Variants in CDH4 observed in about 807,000 individuals in gnomAD.
The protein encoded by CDH4 is cadherin-4.
A neutral mutation model predicts 86.0 loss-of-function variants in CDH4; 33 were observed. The observed-to-expected ratio is 0.38, with a 90% CI of 0.29 to 0.51. The LOEUF (loss-of-function observed/expected upper bound fraction) is 0.51, where lower values mean the gene tolerates loss of function less well. Among genes scored for constraint, CDH4 ranks in the 20% least tolerant of loss-of-function variants. The pLI is 0.86. For missense variants in CDH4, 1,114 were observed against 1,307.4 expected (o/e 0.85, Z 2.28); for synonymous variants, 555 against 549.4 (o/e 1.01, Z -0.14).
At chr20:61,747,603 T>C (rs904168122) in intron 3 of CDH4, among the ~76,000 whole-genome samples, 5 of 152,186 alleles carry the variant, frequency 3.3e-5, no homozygotes, top group African/African-American at 1.2e-4. Flanking sequence ...GTTGGGCAGT[T>C]TGGAATTGAA....
chr20:61,819,420 C>G (rs751932448), intron 4 of CDH4, among the ~76,000 whole-genome samples: 1 of 151,578 alleles, frequency 6.6e-6, no homozygotes, highest in Non-Finnish European at 1.5e-5. Context: ...CGCTCTGCCC[C>G]GGGAGCGTTC....
In CDH4 at chr20:61,303,884, C is replaced by T. The variant is rs142821875; in HGVS notation, c.169+48947C>T. ...TGGATCCCAGGAGGTCCGATGGGCACGGTGCCATCCTGTTTTGTTTACTTA... is the reference window on the plus strand; with the variant it reads ...TGGATCCCAGGAGGTCCGATGGGCATGGTGCCATCCTGTTTTGTTTACTTA... On this transcript the variant is annotated intron_variant, in intron 2 of 15. Transcript: ENST00000614565. Among the ~76,000 whole-genome samples the T allele has an allele frequency of 7.4e-4, 112 of 152,282 alleles. No individual in the cohort carries two copies. In the East Asian group the frequency reaches 0.02, roughly 27 times the overall value.
At chr20:61,411,380 A>C (rs981093584) in intron 2 of CDH4, among the ~76,000 whole-genome samples, 1 of 149,524 alleles carries the variant, frequency 6.7e-6, no homozygotes, top group African/African-American at 2.5e-5. Context: ...TCACTCCCTC[A>C]TGCAAGGAAA....
At chr20:61,495,331 GC>G (rs1164941420) in intron 2 of CDH4, among the ~76,000 whole-genome samples, 2 of 152,174 alleles carry the variant, frequency 1.3e-5, no homozygotes, top group Non-Finnish European at 2.9e-5. Context: ...CTACAGCACA[GC>G]CTACGAACCC....
At chr20:61,789,781 G>A (rs1373940567) in intron 4 of CDH4, among the ~76,000 whole-genome samples, 10 of 152,236 alleles carry the variant, frequency 6.6e-5, no homozygotes, top group Non-Finnish European at 1.3e-4. Flanking sequence ...TAGAACTGGT[G>A]GAGAAGGGAA....
Position 61,936,750 on chromosome 20 carries a change from C to G in CDH4, c.2558C>G (p.Ala853Gly). The G allele has an allele frequency of 6.2e-7, 1 of 1,602,436 alleles. No homozygotes were observed. Among genetic ancestry groups the G allele is most frequent in the Non-Finnish European group, 8.5e-7 (1 of 1,175,560 alleles). The change falls in exon 16 of 16, where the codon GCT becomes GGT. Residue 853 changes from alanine to glycine, a missense_variant. Ala to Gly is a moderately conservative substitution (Grantham distance 60). Around this residue, in one of 3 missense-constraint regions of CDH4, gnomAD observed 188 missense variants for 183.8 expected, o/e 1.02. Coordinates refer to ENST00000614565, the MANE Select transcript of CDH4 (RefSeq NM_001794.5). ...TGTGACCCCCAGGGACTCCGCGCTG[C>G]TGACAACGACCCCACGGCACCCCCC... is the stretch of plus-strand genomic sequence containing the variant. Reference protein sequence around the residue: ...GDFINEGLRAADNDPTAPPYD... With the variant: ...GDFINEGLRAGDNDPTAPPYD...
At chr20:61,427,805 C>T (rs1327567225) in intron 2 of CDH4, among the ~76,000 whole-genome samples, 3 of 152,190 alleles carry the variant, frequency 2.0e-5, no homozygotes, top group African/African-American at 7.2e-5. Context: ...GCATACCTAG[C>T]TCCAAGGACC....
At chr20:61,296,255 ATGTGTGCGTGTGTG>A (rs1337023793) in intron 2 of CDH4, among the ~76,000 whole-genome samples, 2 of 32,504 alleles carry the variant, frequency 6.2e-5, no homozygotes, top group African/African-American at 1.3e-4. Context: ...GTGTGTGTGC[ATGTGTGCGTGTGTG>A]TGTGTGCGTG....
chr20:61,322,131 CG>C (rs939188516), intron 2 of CDH4, among the ~76,000 whole-genome samples: 4 of 152,044 alleles, frequency 2.6e-5, no homozygotes, highest in African/African-American at 9.7e-5. Flanking sequence ...GTACTTGCTT[CG>C]GGGATGGTTA....
intron 2 of CDH4, among the ~76,000 whole-genome samples, chr20:61,429,667 G>GTGGA (rs1160149590): frequency 3.3e-5 from 5 of 150,768 alleles, no homozygotes; most frequent in Middle Eastern, 3.4e-3. Flanking sequence ...GGATGGGTGG[G>GTGGA]TGGATGGATG....
At chr20:61,844,922 ACT>A in intron 5 of CDH4, 99 bp downstream of exon 5, 1 of 1,226,498 alleles carries the variant, frequency 8.2e-7, no homozygotes, top group Non-Finnish European at 1.1e-6. Flanking sequence ...GCCTGCCCTA[ACT>A]CTACAGGCAG....
rs117576234 is a variant in CDH4 at position 61,773,665 on chromosome 20, A to G, written c.576+483A>G. ...ATTGCTTTTACCGCAGAAATAATTT[A>G]TTTTACAAATTTGTGTTTCTATTAT... On this transcript the variant is annotated intron_variant, in intron 4 of 15. Transcript: ENST00000614565. Among the ~76,000 whole-genome samples, 216 of 152,238 alleles carry G rather than the reference A, an allele frequency of 1.4e-3. 1 individual carries two copies. The highest frequency in any genetic ancestry group is 6.8e-3 in the Middle Eastern group (2 of 294).
Position 61,929,619 on chromosome 20 carries a change from C to T in CDH4, c.2016C>T (p.Ala672=), listed in dbSNP as rs1166079418. Residue 672 remains alanine (A), a synonymous_variant, in exon 13 of 16, where the codon GCC becomes GCT. Transcript: ENST00000614565. The part of the protein sequence containing the change: ...WTITRLNGDY[A]QLSLRILYLE... ...GTTGCTTTGCACCAGGTGACTATGC[C>T]CAACTCAGCTTGCGCATCCTGTACC... The T allele has an allele frequency of 6.2e-7, 1 of 1,613,344 alleles. No homozygotes were observed. The highest frequency in any genetic ancestry group is 1.7e-5 in the Admixed American group (1 of 59,996).
chr20:61,686,716 CG>C (rs2087582812), intron 2 of CDH4, among the ~76,000 whole-genome samples: 1 of 149,708 alleles, frequency 6.7e-6, no homozygotes, highest in Non-Finnish European at 1.5e-5. Flanking sequence ...TGTGCATTCC[CG>C]TGTGTGTGCC....
intron 4 of CDH4, among the ~76,000 whole-genome samples, chr20:61,804,184 G>T (rs1467419198): frequency 2.6e-5 from 4 of 152,226 alleles, no homozygotes; most frequent in African/African-American, 9.6e-5. Flanking sequence ...CCTGAGAGCC[G>T]CCCGAACTGC....
chr20:61,425,366 A>G (rs533948250), intron 2 of CDH4, among the ~76,000 whole-genome samples: 185 of 152,228 alleles, frequency 1.2e-3, no homozygotes, highest in Non-Finnish European at 2.0e-3. Flanking sequence ...CGAGCCGGCC[A>G]AGGGAGAGCC....
In CDH4 at chr20:61,319,165, T is replaced by TA; in HGVS notation, c.169+64233dup. On this transcript the variant is annotated intron_variant, in intron 2 of 15. Transcript: ENST00000614565. ...ACAATAAGCATAATAATATAACATA[T>TA]AAAAATATAACATATAACATGTTAT... Among the ~76,000 whole-genome samples the TA allele has an allele frequency of 2.0e-5, 3 of 151,454 alleles. No homozygotes were observed. The East Asian group carries it at 5.9e-4, about 30-fold the overall frequency.
intron 2 of CDH4, among the ~76,000 whole-genome samples, chr20:61,422,700 A>C (rs2085187009): frequency 6.6e-6 from 1 of 152,178 alleles, no homozygotes. Flanking sequence ...TGAGCACCTC[A>C]GCTGCAGAAG....
chr20:61,588,933 T>C (rs1036829763), intron 2 of CDH4, among the ~76,000 whole-genome samples: 2 of 152,226 alleles, frequency 1.3e-5, no homozygotes, highest in Non-Finnish European at 2.9e-5. Flanking sequence ...CCGAGCGCAC[T>C]GTTGGCATTC....
Sources: allele counts gnomAD v4.1 joint callset (sites outside exome capture counted in the v4.1 genomes callset), GRCh38; gene constraint gnomAD v4.1.1; regional missense constraint gnomAD v4.1.1; transcripts MANE v1.5; gene names NCBI Gene and HGNC (gene_info 2026-07-23, HGNC 2026-07-21).